FAM222A: variants seen among roughly 807,000 people sequenced by gnomAD.
FAM222A encodes the protein family with sequence similarity 222 member A.
A neutral mutation model predicts 25.8 loss-of-function variants in FAM222A; 7 were observed. That is an observed-to-expected ratio of 0.27 (90% CI 0.15 to 0.51). FAM222A has a LOEUF of 0.51. Among genes scored for constraint, FAM222A ranks in the 20% least tolerant of loss-of-function variants. The pLI, the probability that FAM222A is intolerant of heterozygous loss-of-function variation, is 0.97. For synonymous variants in FAM222A, 294 were observed against 298.8 expected (o/e 0.98, Z 0.17); for missense variants, 573 against 640.5 (o/e 0.89, Z 1.14).
Position 109,714,635 on chromosome 12 carries a change from C to T in FAM222A, c.-309C>T, listed in dbSNP as rs1426373008. The T allele has an allele frequency of 6.6e-6, 1 of 151,988 alleles. No individual in the cohort carries two copies. Among genetic ancestry groups the T allele is most frequent in the Non-Finnish European group, 1.5e-5 (1 of 67,946 alleles). The allele number at this position is 151,988 out of a possible 1,614,324, so 9.4% of individuals were successfully genotyped here. ...ATCACGGGCCCCGGCGAAGATGCGT[C>T]GCCTGAGCGCCCGCGCGGCCCCCGT... On this transcript the variant is annotated 5_prime_UTR_variant, in exon 1 of 3. Coordinates refer to ENST00000538780, the MANE Select transcript of FAM222A (RefSeq NM_032829.3). This position sits in a 1 kb window ranked among gnomAD's most constrained non-coding sequence, Gnocchi z 4.2.
At chr12:109,745,736 C>A (rs1281806075) in intron 2 of FAM222A, among the ~76,000 whole-genome samples, 1 of 152,190 alleles carries the variant, frequency 6.6e-6, no homozygotes, top group Non-Finnish European at 1.5e-5. Flanking sequence ...AAACTCCTGG[C>A]CTCATGCCAT....
chr12:109,751,546 C>T (rs907578454), intron 2 of FAM222A, among the ~76,000 whole-genome samples: 1 of 152,166 alleles, frequency 6.6e-6, no homozygotes, highest in African/African-American at 2.4e-5. Context: ...GGGGAAAAGC[C>T]AGGGCCATGT....
intron 2 of FAM222A, 135 bp from the exon 3 acceptor site, chr12:109,767,877 C>T (rs563905865): frequency 9.2e-5 from 83 of 904,216 alleles, no homozygotes; most frequent in East Asian, 7.4e-4. Context: ...CACTGAAATT[C>T]GAAGTTTAAA....
chr12:109,717,821 G>A (rs1317596148), intron 1 of FAM222A, among the ~76,000 whole-genome samples: 1 of 152,142 alleles, frequency 6.6e-6, no homozygotes, highest in Non-Finnish European at 1.5e-5. Context: ...CTGTAAGCTC[G>A]TCCATCCCCT....
chr12:109,722,408 A>C (rs553992373), intron 1 of FAM222A: 5 of 152,336 alleles, frequency 3.3e-5, no homozygotes, highest in Non-Finnish European at 7.3e-5. Flanking sequence ...GGCTACCTTC[A>C]GTCTACTAGA....
chr12:109,765,191 C>G (rs888910307), intron 2 of FAM222A, among the ~76,000 whole-genome samples: 8 of 152,254 alleles, frequency 5.3e-5, no homozygotes, highest in African/African-American at 1.9e-4. Flanking sequence ...GGGCCTCTCC[C>G]CCTTTGGCCC....
At chr12:109,765,577 A>G (rs959603048) in intron 2 of FAM222A, among the ~76,000 whole-genome samples, 4 of 152,218 alleles carry the variant, frequency 2.6e-5, no homozygotes, top group African/African-American at 9.6e-5. Context: ...CCAGTGGCCC[A>G]GGACTTAACC....
intron 2 of FAM222A, among the ~76,000 whole-genome samples, chr12:109,759,161 A>C (rs1592797612): frequency 6.6e-6 from 1 of 152,156 alleles, no homozygotes; most frequent in South Asian, 2.1e-4. Flanking sequence ...AAGTCTCCTG[A>C]CTGCCACTCC....
At chr12:109,753,953 G>C (rs1888637877) in intron 2 of FAM222A, among the ~76,000 whole-genome samples, 2 of 152,216 alleles carry the variant, frequency 1.3e-5, no homozygotes, top group Non-Finnish European at 2.9e-5. Context: ...GGCCACCCCT[G>C]CCGCAGGTAC....
At position 109,768,058 on chromosome 12, in the gene FAM222A, A is replaced by G; in HGVS notation, c.129A>G (p.Pro43=). 1.2e-6 allele frequency: 2 copies of G among 1,613,848 alleles called. No homozygotes were observed. The highest frequency in any genetic ancestry group is 1.7e-6 in the Non-Finnish European group (2 of 1,180,026). ...SAMHSSRYPS[P]AELDAYAEKV... ...TGCATTCCTCCCGCTACCCGAGCCCAGCAGAACTGGACGCCTATGCCGAGA... is the reference window on the plus strand; with the variant it reads ...TGCATTCCTCCCGCTACCCGAGCCCGGCAGAACTGGACGCCTATGCCGAGA... Residue 43 remains proline (P), a synonymous_variant, in exon 3 of 3, where the codon CCA becomes CCG. Transcript: ENST00000538780.
chr12:109,750,883 A>AT (rs35436180), intron 2 of FAM222A, among the ~76,000 whole-genome samples: 1 of 151,748 alleles, frequency 6.6e-6, no homozygotes, highest in Non-Finnish European at 1.5e-5. Context: ...CTGAGGACTG[A>AT]TTTTTTTCCC....
chr12:109,758,617 G>A (rs1173010720), intron 2 of FAM222A, among the ~76,000 whole-genome samples: 1 of 152,094 alleles, frequency 6.6e-6, no homozygotes, highest in Non-Finnish European at 1.5e-5. Context: ...GAGAACAGCT[G>A]TGTCTGCCCT....
chr12:109,733,322 G>T (rs1309614758), intron 1 of FAM222A, among the ~76,000 whole-genome samples: 1 of 152,126 alleles, frequency 6.6e-6, no homozygotes, highest in Non-Finnish European at 1.5e-5. Flanking sequence ...TGGATCTATT[G>T]GGTGAAGTAA....
At chr12:109,757,769 G>C (rs1888775529) in intron 2 of FAM222A, among the ~76,000 whole-genome samples, 1 of 152,060 alleles carries the variant, frequency 6.6e-6, no homozygotes, top group African/African-American at 2.4e-5. Context: ...GTGGGGAGGG[G>C]GCGGGACGGG....
chr12:109,728,001 G>C (rs12812033), intron 1 of FAM222A, among the ~76,000 whole-genome samples: 5,753 of 152,228 alleles, frequency 0.038, 151 homozygotes, highest in Middle Eastern at 0.054. Context: ...TCTGAGCCTC[G>C]ATCTCCTTAA....
At chr12:109,741,865 C>A (rs1008252162) in intron 1 of FAM222A, among the ~76,000 whole-genome samples, 16 of 152,202 alleles carry the variant, frequency 1.1e-4, no homozygotes, top group Non-Finnish European at 2.2e-4. Context: ...GGCCTGGGTG[C>A]AGCCAAGCTC....
At chr12:109,737,773 G>A (rs951296483) in intron 1 of FAM222A, among the ~76,000 whole-genome samples, 7 of 152,050 alleles carry the variant, frequency 4.6e-5, no homozygotes, top group East Asian at 1.9e-4. Context: ...AATTACCCTC[G>A]CCTCCTCCAT....
At chr12:109,717,685 T>C (rs1281090571) in intron 1 of FAM222A, among the ~76,000 whole-genome samples, 1 of 152,130 alleles carries the variant, frequency 6.6e-6, no homozygotes, top group African/African-American at 2.4e-5. Flanking sequence ...TTGATCTCCT[T>C]TGACAAGGAC....
chr12:109,728,322 G>GGGGTCCCA (rs113289915), intron 1 of FAM222A, among the ~76,000 whole-genome samples: 4 of 152,224 alleles, frequency 2.6e-5, no homozygotes, highest in Non-Finnish European at 4.4e-5. Context: ...TGACTCGTCA[G>GGGGTCCCA]GGGTCCCAGG....
Sources: allele counts gnomAD v4.1 joint callset (sites outside exome capture counted in the v4.1 genomes callset), GRCh38; gene constraint gnomAD v4.1.1; non-coding constraint Gnocchi (gnomAD v3.1); transcripts MANE v1.5; gene names NCBI Gene and HGNC (gene_info 2026-07-23, HGNC 2026-07-21).